Variants in ADGRV1 observed in about 807,000 individuals in gnomAD.
ADGRV1 encodes the protein adhesion G protein-coupled receptor V1.
Under a neutral mutation model 596.2 loss-of-function variants are expected in ADGRV1, and 359 were observed. The observed-to-expected ratio is 0.60, with a 90% CI of 0.55 to 0.66. The LOEUF is 0.66. Among genes scored for constraint, ADGRV1 ranks in the 30% least tolerant of loss-of-function variants. The pLI is 0.00. For missense variants in ADGRV1, 7,274 were observed against 7,575.6 expected (o/e 0.96, Z 1.48); for synonymous variants, 2,681 against 2,679.2 (o/e 1.00, Z -0.02).
rs2150967618 is a variant in ADGRV1, at chr5:90,965,398, G to A, written c.17857-17G>A. On this transcript the variant is annotated splice_polypyrimidine_tract_variant and intron_variant, in intron 83 of 89. Transcript: ENST00000405460. ...ATTTTAGCATATTTTAAAAATAGAAGTATCTGTTTCTTACAGATTCTGTTT... is the reference window on the plus strand; with the variant it reads ...ATTTTAGCATATTTTAAAAATAGAAATATCTGTTTCTTACAGATTCTGTTT... The A allele has an allele frequency of 6.9e-7, 1 of 1,454,660 alleles. No homozygotes were observed. The highest frequency in any genetic ancestry group is 2.3e-5 in the East Asian group (1 of 44,128). The allele number at this position is 1,454,660 out of a possible 1,614,324, so 90.1% of individuals were successfully genotyped here. A position where few individuals can be genotyped will look rare whatever the true frequency, so the allele number is the denominator to read the frequency against.
chr5:90,684,673 G>C (rs1465719587), intron 28 of ADGRV1, among the ~76,000 whole-genome samples: 1 of 152,060 alleles, frequency 6.6e-6, no homozygotes, highest in East Asian at 1.9e-4. Context: ...GTCTCTCTCA[G>C]GCCTCTTTTA....
intron 78 of ADGRV1, among the ~76,000 whole-genome samples, chr5:90,848,014 C>T: frequency 6.6e-6 from 1 of 152,130 alleles, no homozygotes; most frequent in Non-Finnish European, 1.5e-5. Context: ...AGCACGCTGT[C>T]ACCTCTCAGT....
chr5:90,620,741 T>C (rs1352274265), intron 4 of ADGRV1, among the ~76,000 whole-genome samples: 1 of 152,230 alleles, frequency 6.6e-6, no homozygotes, highest in Non-Finnish European at 1.5e-5. Flanking sequence ...GTCTAACAGG[T>C]AAGTCTTTAA....
At chr5:90,847,367 TAC>T (rs1263811713) in intron 78 of ADGRV1, among the ~76,000 whole-genome samples, 5 of 152,210 alleles carry the variant, frequency 3.3e-5, no homozygotes, top group Non-Finnish European at 7.3e-5. Context: ...TTGAGCTAGA[TAC>T]AGAGTGCCGA....
At chr5:90,719,401 C>G (rs571339391) in intron 43 of ADGRV1, among the ~76,000 whole-genome samples, 1 of 152,126 alleles carries the variant, frequency 6.6e-6, no homozygotes, top group Non-Finnish European at 1.5e-5. Context: ...AAGATTCCCC[C>G]TGTCTCTTCC....
intron 83 of ADGRV1, among the ~76,000 whole-genome samples, chr5:90,905,975 C>T (rs907690607): frequency 6.6e-6 from 1 of 151,946 alleles, no homozygotes; most frequent in Admixed American, 6.6e-5. Context: ...TTTTCAGCAT[C>T]GATTAAAATG....
intron 85 of ADGRV1, among the ~76,000 whole-genome samples, chr5:90,995,525 A>G (rs1255989827): frequency 6.6e-6 from 1 of 152,200 alleles, no homozygotes; most frequent in Non-Finnish European, 1.5e-5. Context: ...ACCCAGCCAC[A>G]GGTAGTTTTT....
intron 84 of ADGRV1, among the ~76,000 whole-genome samples, chr5:90,983,630 T>C (rs573029065): frequency 1.3e-5 from 2 of 152,170 alleles, no homozygotes; most frequent in African/African-American, 4.8e-5. Flanking sequence ...ACCCCGCTTA[T>C]TTGAGTCCAC....
At chr5:90,841,012 T>C (rs776325389) in intron 78 of ADGRV1, 27 bp downstream of exon 78, 2 of 1,406,426 alleles carry the variant, frequency 1.4e-6, no homozygotes, top group African/African-American at 2.9e-5. Flanking sequence ...ATTAGTAATT[T>C]GTTTAGTGAA....
chr5:90,571,052 TTCC>T (rs1309965106), intron 1 of ADGRV1, among the ~76,000 whole-genome samples: 1 of 152,158 alleles, frequency 6.6e-6, no homozygotes, highest in African/African-American at 2.4e-5. Flanking sequence ...ATTCTCCCTC[TTCC>T]TAGGGTTTGT....
chr5:90,654,001 A>AT, intron 20 of ADGRV1, 49 bp downstream of exon 20: 1 of 1,539,094 alleles, frequency 6.5e-7, no homozygotes, highest in Non-Finnish European at 8.8e-7. Flanking sequence ...AGTTTCTAAA[A>AT]TTTTTCATTA....
At chr5:90,966,305 C>T (rs931894984) in intron 84 of ADGRV1, among the ~76,000 whole-genome samples, 5 of 151,946 alleles carry the variant, frequency 3.3e-5, no homozygotes, top group Admixed American at 6.5e-5. Flanking sequence ...CCAAGGCAGG[C>T]GGATCACCTG....
chr5:90,764,453 G>A (rs1213970436), intron 59 of ADGRV1, among the ~76,000 whole-genome samples: 1 of 152,196 alleles, frequency 6.6e-6, no homozygotes, highest in African/African-American at 2.4e-5. Context: ...CTTTCTTTGT[G>A]TGTATGCACT....
chr5:91,032,455 T>A (rs1784556213), intron 85 of ADGRV1, among the ~76,000 whole-genome samples: 1 of 152,206 alleles, frequency 6.6e-6, no homozygotes. Context: ...TTTAGAGTCG[T>A]CTATCTCTGC....
At chr5:90,601,537 G>A (rs1761408767) in intron 1 of ADGRV1, among the ~76,000 whole-genome samples, 1 of 152,176 alleles carries the variant, frequency 6.6e-6, no homozygotes, top group African/African-American at 2.4e-5. Flanking sequence ...TGAAATTGAT[G>A]AATTAGAAAA....
At chr5:90,605,372 G>C (rs1761979227) in intron 1 of ADGRV1, among the ~76,000 whole-genome samples, 1 of 149,822 alleles carries the variant, frequency 6.7e-6, no homozygotes, top group African/African-American at 2.5e-5. Flanking sequence ...CCAAGATCGC[G>C]CCACTGCACT....
intron 10 of ADGRV1, among the ~76,000 whole-genome samples, chr5:90,635,596 T>C (rs1204048468): frequency 1.4e-5 from 2 of 145,150 alleles, no homozygotes; most frequent in African/African-American, 5.1e-5. Flanking sequence ...CATAAACTTT[T>C]TTTTTTTTTT....
At chr5:90,930,794 C>T (rs1041484047) in intron 83 of ADGRV1, among the ~76,000 whole-genome samples, 2 of 152,026 alleles carry the variant, frequency 1.3e-5, no homozygotes, top group Non-Finnish European at 2.9e-5. Context: ...AATAATTTTA[C>T]CTAGGTTTTA....
chr5:90,710,419 TA>T (rs1356670684), intron 39 of ADGRV1, among the ~76,000 whole-genome samples: 3 of 152,026 alleles, frequency 2.0e-5, no homozygotes, highest in Non-Finnish European at 4.4e-5. Context: ...GTGGATAGAA[TA>T]AAAATAAAAA....
Sources: allele counts gnomAD v4.1 joint callset (sites outside exome capture counted in the v4.1 genomes callset), GRCh38; gene constraint gnomAD v4.1.1; transcripts MANE v1.5; gene names NCBI Gene and HGNC (gene_info 2026-07-23, HGNC 2026-07-21).